The following FGFR2 variants were observed in gnomAD, a reference collection of about 807,000 sequenced individuals.
The protein encoded by FGFR2 is BEK fibroblast growth factor receptor.
In FGFR2, 19 loss-of-function variants were observed where a neutral mutation model predicts 95.9. That is an observed-to-expected ratio of 0.20 (90% confidence interval 0.14 to 0.29). The LOEUF (loss-of-function observed/expected upper bound fraction) is 0.29. Ranked by LOEUF, FGFR2 falls within the 10% of genes least tolerant of loss-of-function variation. The pLI, the probability that FGFR2 is intolerant of heterozygous loss-of-function variation, is 1.00. For missense variants in FGFR2, 707 were observed against 1,056.9 expected, an observed-to-expected ratio of 0.67 and a Z score of 4.59; for synonymous variants, 392 against 393.3, an observed-to-expected ratio of 1.00 and a Z score of 0.04.
chr10:121,577,176 T>TAGAGAGAGAGAGAGAG (rs1278087472), intron 2 of FGFR2, among the ~76,000 whole-genome samples: 26 of 7,486 alleles, frequency 3.5e-3, no homozygotes, highest in Admixed American at 0.01. Flanking sequence ...TATATATATA[T>TAGAGAGAGAGAGAGAG]ATAGAGAGAG....
intron 2 of FGFR2, among the ~76,000 whole-genome samples, chr10:121,585,000 C>A (rs1861616892): frequency 6.6e-6 from 1 of 152,128 alleles, no homozygotes; most frequent in Non-Finnish European, 1.5e-5. Context: ...TCCATAACCC[C>A]TCTCCAATGT....
chr10:121,521,650 A>G (rs1157285501), intron 6 of FGFR2, among the ~76,000 whole-genome samples: 4 of 147,404 alleles, frequency 2.7e-5, no homozygotes, highest in Non-Finnish European at 6.0e-5. Context: ...GATGGGAAGA[A>G]AAAAAAAAAA....
intron 2 of FGFR2, among the ~76,000 whole-genome samples, chr10:121,577,121 C>T (rs1235262911): frequency 2.0e-5 from 2 of 101,580 alleles, no homozygotes; most frequent in African/African-American, 4.0e-5. Context: ...GATGACAGAG[C>T]GAGACTCCAT....
At chr10:121,590,335 G>A (rs539817902) in intron 2 of FGFR2, among the ~76,000 whole-genome samples, 8 of 152,252 alleles carry the variant, frequency 5.3e-5, no homozygotes, top group African/African-American at 1.9e-4. Context: ...GGAAGAACTT[G>A]AAAGTAAGAG....
At chr10:121,542,659 T>C (rs1853932392) in intron 5 of FGFR2, among the ~76,000 whole-genome samples, 2 of 152,222 alleles carry the variant, frequency 1.3e-5, no homozygotes, top group Admixed American at 1.3e-4. Context: ...CATTTCAATA[T>C]TGAAACAAAG....
chr10:121,514,146 G>A (rs1458444680), intron 9 of FGFR2, among the ~76,000 whole-genome samples: 2 of 152,114 alleles, frequency 1.3e-5, no homozygotes, highest in Non-Finnish European at 2.9e-5. Context: ...CAAGCACCCC[G>A]TACATTTTAC....
chr10:121,572,426 G>A (rs1858954720), intron 2 of FGFR2, among the ~76,000 whole-genome samples: 1 of 152,132 alleles, frequency 6.6e-6, no homozygotes, highest in Admixed American at 6.5e-5. Flanking sequence ...TTCGAGACCA[G>A]CCTCACCAAC....
intron 9 of FGFR2, among the ~76,000 whole-genome samples, chr10:121,513,531 T>C (rs1849320889): frequency 2.0e-5 from 3 of 152,108 alleles, no homozygotes; most frequent in African/African-American, 7.2e-5. Context: ...TATGCCAAAT[T>C]ACAAGTTGCC....
At chr10:121,522,656 C>T (rs1051275466) in intron 6 of FGFR2, among the ~76,000 whole-genome samples, 1 of 152,166 alleles carries the variant, frequency 6.6e-6, no homozygotes, top group Non-Finnish European at 1.5e-5. Flanking sequence ...ACCACCAGAC[C>T]ACCAGACTGC....
At position 121,577,086 on chromosome 10, in the gene FGFR2, G is replaced by A. The variant is rs368725766; in HGVS notation, c.110-11382C>T. Among the ~76,000 whole-genome samples, 24 of 130,302 alleles carry A rather than the reference G, an allele frequency of 1.8e-4. No individual in the cohort carries two copies. In the East Asian group the frequency reaches 3.5e-3, roughly 19 times the overall value. 85.5% of individuals were successfully genotyped at this position (130,302 alleles called of 152,430 possible). A position where few individuals can be genotyped will look rare whatever the true frequency, so the allele number is the denominator to read the frequency against. On this transcript the variant is annotated intron_variant, in intron 2 of 17. Transcript: ENST00000358487. ...GGAGGCGGAAGTTGCAGTGAGCCAA[G>A]ATCACGCCACTGTGCTCCAGCCTGG... is the stretch of plus-strand genomic sequence containing the variant.
At chr10:121,546,562 C>T (rs905923836) in intron 5 of FGFR2, among the ~76,000 whole-genome samples, 2 of 152,184 alleles carry the variant, frequency 1.3e-5, no homozygotes, top group Non-Finnish European at 2.9e-5. Flanking sequence ...GACTGAACTG[C>T]CGAATTCCAA....
At chr10:121,559,929 C>T (rs899531301) in intron 4 of FGFR2, among the ~76,000 whole-genome samples, 12 of 152,214 alleles carry the variant, frequency 7.9e-5, no homozygotes, top group Admixed American at 6.5e-4. Flanking sequence ...CATGGTTTCA[C>T]GGTAACCTGC....
intron 9 of FGFR2, among the ~76,000 whole-genome samples, chr10:121,512,369 C>T (rs183917935): frequency 1.4e-3 from 207 of 152,246 alleles, no homozygotes; most frequent in Non-Finnish European, 2.2e-3. Flanking sequence ...AATAATGTAC[C>T]CCACTTGGAC....
intron 9 of FGFR2, among the ~76,000 whole-genome samples, chr10:121,513,903 C>A (rs1849362791): frequency 6.6e-6 from 1 of 152,102 alleles, no homozygotes; most frequent in South Asian, 2.1e-4. Flanking sequence ...ACAACCAGAC[C>A]CATTCCAAAA....
At chr10:121,542,069 G>T (rs377219015) in intron 5 of FGFR2, among the ~76,000 whole-genome samples, 1 of 152,042 alleles carries the variant, frequency 6.6e-6, no homozygotes, top group African/African-American at 2.4e-5. Context: ...TTCAAACAGC[G>T]TAGTCTATAG....
At chr10:121,578,059 C>T (rs1404695068) in intron 2 of FGFR2, among the ~76,000 whole-genome samples, 1 of 152,082 alleles carries the variant, frequency 6.6e-6, no homozygotes, top group East Asian at 1.9e-4. Flanking sequence ...AAACTGCATC[C>T]CACAGGTCTC....
rs141223077 is a variant in FGFR2 at position 121,490,444 on chromosome 10, G to A, written c.1864-2331C>T. Among the ~76,000 whole-genome samples, 545 of 152,274 alleles carry A rather than the reference G, an allele frequency of 3.6e-3. 2 individuals are homozygous for A. Among genetic ancestry groups the A allele is most frequent in the African/African-American group, 0.013 (525 of 41,548 alleles). On this transcript the variant is annotated intron_variant, in intron 13 of 17. Transcript: ENST00000358487. Reference sequence around the variant, plus strand: ...CTCCCAAAGTACTGGGATTATAGGCGTGAGCCACCACGCCCGGCCTATGAT... The same window carrying A: ...CTCCCAAAGTACTGGGATTATAGGCATGAGCCACCACGCCCGGCCTATGAT...
At chr10:121,580,932 T>C (rs1860755726) in intron 2 of FGFR2, among the ~76,000 whole-genome samples, 1 of 152,130 alleles carries the variant, frequency 6.6e-6, no homozygotes, top group Non-Finnish European at 1.5e-5. Context: ...CTCCCACGAA[T>C]GTAGGCTTTC....
chr10:121,509,319 C>T (rs1848711320), intron 9 of FGFR2, among the ~76,000 whole-genome samples: 1 of 151,836 alleles, frequency 6.6e-6, no homozygotes, highest in Non-Finnish European at 1.5e-5. Flanking sequence ...TCCATTTCCT[C>T]ACTTTCCGGA....
Sources: gnomAD v4.1 joint callset for allele counts (sites outside exome capture counted in the v4.1 genomes callset) on GRCh38, gnomAD v4.1.1 for gene constraint, MANE v1.5 for transcripts, NCBI Gene and HGNC (gene_info 2026-07-23, HGNC 2026-07-21) for gene names.